Variants in GPHN observed in about 807,000 individuals in gnomAD.
GPHN encodes gephyrin.
In GPHN, 17 loss-of-function variants were observed where a neutral mutation model predicts 95.5. The observed-to-expected ratio is 0.18, with a 90% CI of 0.12 to 0.27. The LOEUF (loss-of-function observed/expected upper bound fraction) is 0.27. Among genes scored for constraint, GPHN ranks in the 10% least tolerant of loss-of-function variants. The pLI, the probability that GPHN is intolerant of heterozygous loss-of-function variation, is 1.00. For missense variants in GPHN, 660 were observed against 978.1 expected, an observed-to-expected ratio of 0.67 and a Z score of 4.34; for synonymous variants, 320 against 322.5, an observed-to-expected ratio of 0.99 and a Z score of 0.08.
chr14:67,668,046 T>C, the GPHN span, among the ~76,000 whole-genome samples: 2 of 152,198 alleles, frequency 1.3e-5, no homozygotes, highest in African/African-American at 4.8e-5. Context: ...ATTATAGTAC[T>C]CCATAGTGAC....
At chr14:67,389,688 G>A in the GPHN span, among the ~76,000 whole-genome samples, 1 of 151,928 alleles carries the variant, frequency 6.6e-6, no homozygotes, top group Non-Finnish European at 1.5e-5. Flanking sequence ...TTTAAAAGCT[G>A]AGACAGCAGA....
At chr14:66,701,741 C>G (rs2068571406) in intron 2 of GPHN, among the ~76,000 whole-genome samples, 1 of 152,196 alleles carries the variant, frequency 6.6e-6, no homozygotes. Flanking sequence ...TCTCAACAGC[C>G]TCTCAGCTAG....
the GPHN span, chr14:67,572,300 G>C: frequency 1.3e-6 from 2 of 1,567,218 alleles, no homozygotes; most frequent in Admixed American, 1.8e-5. Flanking sequence ...ACGGGCGGGG[G>C]CAGGGTGGAA....
the GPHN span, among the ~76,000 whole-genome samples, chr14:67,283,152 T>G: frequency 6.6e-6 from 1 of 152,022 alleles, no homozygotes; most frequent in Non-Finnish European, 1.5e-5. Flanking sequence ...ATACTATTAG[T>G]GTGAAGAAGG....
At chr14:67,470,198 G>C in the GPHN span, 2 of 152,288 alleles carry the variant, frequency 1.3e-5, no homozygotes, top group African/African-American at 4.8e-5. Flanking sequence ...AGGGTGCAAA[G>C]GGCCTGGCCT....
At chr14:66,790,696 G>A (rs538443322) in intron 3 of GPHN, among the ~76,000 whole-genome samples, 3 of 152,212 alleles carry the variant, frequency 2.0e-5, no homozygotes, top group Non-Finnish European at 4.4e-5. Context: ...TGCACTGCCT[G>A]TGGCAGGGCG....
At chr14:67,534,669 G>A in the GPHN span, among the ~76,000 whole-genome samples, 5 of 152,216 alleles carry the variant, frequency 3.3e-5, no homozygotes, top group Admixed American at 1.3e-4. Flanking sequence ...ATTGTGGGGT[G>A]CAGCCTGTGG....
the GPHN span, among the ~76,000 whole-genome samples, chr14:67,229,148 A>G: frequency 6.6e-6 from 1 of 152,244 alleles, no homozygotes; most frequent in African/African-American, 2.4e-5. Flanking sequence ...ACAGCTAGAA[A>G]ATGGTGGAGA....
At chr14:67,456,896 G>A in the GPHN span, among the ~76,000 whole-genome samples, 2 of 152,194 alleles carry the variant, frequency 1.3e-5, no homozygotes, top group South Asian at 4.1e-4. Flanking sequence ...CATTTATGGT[G>A]GAGTGGATAA....
At chr14:66,683,415 T>TATATATATGTTC (rs1566813122) in intron 2 of GPHN, among the ~76,000 whole-genome samples, 1 of 76,206 alleles carries the variant, frequency 1.3e-5, no homozygotes, top group Admixed American at 1.7e-4. Flanking sequence ...TATATGTTCA[T>TATATATATGTTC]ATATATATAT....
intron 2 of GPHN, among the ~76,000 whole-genome samples, chr14:66,766,279 A>G (rs2058958853): frequency 6.6e-6 from 1 of 152,168 alleles, no homozygotes; most frequent in African/African-American, 2.4e-5. Context: ...AAGTTAGCAG[A>G]GATTTCAGGA....
the GPHN span, among the ~76,000 whole-genome samples, chr14:67,218,098 G>A: frequency 6.6e-6 from 1 of 152,172 alleles, no homozygotes; most frequent in Non-Finnish European, 1.5e-5. Context: ...CAGTGGTGCA[G>A]CTTTGCCAGG....
chr14:67,648,016 TTAAG>T, the GPHN span: 2 of 1,558,844 alleles, frequency 1.3e-6, no homozygotes, highest in Non-Finnish European at 1.7e-6. Context: ...AAGTATTATT[TTAAG>T]TATTATTTTA....
the GPHN span, among the ~76,000 whole-genome samples, chr14:67,485,256 C>T: frequency 6.6e-6 from 1 of 152,220 alleles, no homozygotes; most frequent in Admixed American, 6.5e-5. Context: ...CACCCATGGC[C>T]ATCTCTTTAC....
chr14:67,539,491 A>G, the GPHN span, among the ~76,000 whole-genome samples: 3 of 152,150 alleles, frequency 2.0e-5, no homozygotes, highest in Non-Finnish European at 4.4e-5. Flanking sequence ...TTTTTAGATG[A>G]AAAGTCAGGA....
intron 1 of GPHN, among the ~76,000 whole-genome samples, chr14:66,658,970 C>T (rs1322726428): frequency 6.7e-6 from 1 of 149,352 alleles, no homozygotes; most frequent in Non-Finnish European, 1.5e-5. Flanking sequence ...TTTATTATTT[C>T]CTTCTTTCTG....
intron 8 of GPHN, among the ~76,000 whole-genome samples, chr14:66,960,782 T>A (rs1198939185): frequency 6.6e-6 from 1 of 152,118 alleles, no homozygotes; most frequent in African/African-American, 2.4e-5. Context: ...AGGTCTTTTC[T>A]GAGGGTGTGC....
At chr14:66,852,350 C>T (rs941324050) in intron 4 of GPHN, among the ~76,000 whole-genome samples, 6 of 152,138 alleles carry the variant, frequency 3.9e-5, no homozygotes, top group African/African-American at 9.7e-5. Context: ...GCCACTATTA[C>T]GGTAGCTTTC....
the GPHN span, among the ~76,000 whole-genome samples, chr14:67,193,944 CAAAAAAAAACA>C: frequency 1.2e-4 from 4 of 33,880 alleles, no homozygotes; most frequent in Admixed American, 6.9e-4. Context: ...GACCCTGTCT[CAAAAAAAAACA>C]AAAAAAAAAC....
Sources: allele counts gnomAD v4.1 joint callset (sites outside exome capture counted in the v4.1 genomes callset), GRCh38; gene constraint gnomAD v4.1.1; transcripts MANE v1.5; gene names NCBI Gene and HGNC (gene_info 2026-07-23, HGNC 2026-07-21).